The following DEK variants were observed in gnomAD, a reference collection of about 807,000 sequenced individuals.
DEK encodes the protein DEK proto-oncogene.
Under a neutral mutation model 46.8 loss-of-function variants are expected in DEK, and 28 were observed. That is an observed-to-expected ratio of 0.60 (90% CI 0.44 to 0.82). The LOEUF (loss-of-function observed/expected upper bound fraction) is 0.82, where lower values mean the gene tolerates loss of function less well. Ranked by LOEUF, DEK falls within the 40% of genes least tolerant of loss-of-function variation. The pLI is 0.00. For synonymous variants in DEK, 160 were observed against 144.5 expected (o/e 1.11, Z -0.77); for missense variants, 416 against 430.6 (o/e 0.97, Z 0.30).
chr6:18,249,770 T>C lies in DEK; in HGVS notation c.643A>G (p.Arg215Gly), dbSNP rs1051400994. ...GGACATTTGGTTCGCTTAGCCTTCCTTGCCATTCCAGAACTGTTCCGTTCC... is the reference window on the plus strand; with the variant it reads ...GGACATTTGGTTCGCTTAGCCTTCCCTGCCATTCCAGAACTGTTCCGTTCC... ...KKERNSSGMA[R>G]KAKRTKCPEI... Residue 215 changes from arginine (R) to glycine (G), a missense_variant, in exon 7 of 11, where the codon AGG becomes GGG. By Grantham distance (125) the Arg-to-Gly change is moderately radical. Transcript: ENST00000652689. 1.2e-6 allele frequency: 2 copies of C among 1,613,940 alleles called. No individual in the cohort carries two copies. The highest frequency in any genetic ancestry group is 1.7e-6 in the Non-Finnish European group (2 of 1,179,982).
At chr6:18,252,509 CAAAAAAAAAAAAAAAA>C (rs61626818) in intron 6 of DEK, among the ~76,000 whole-genome samples, 6 of 29,144 alleles carry the variant, frequency 2.1e-4, no homozygotes, top group South Asian at 2.0e-3. Context: ...ACGCTGTCTC[CAAAAAAAAAAAAAAAA>C]AAAAAAAAAA....
chr6:18,259,540 A>C (rs1350355165), intron 2 of DEK, among the ~76,000 whole-genome samples: 1 of 151,982 alleles, frequency 6.6e-6, no homozygotes, highest in Non-Finnish European at 1.5e-5. Flanking sequence ...AGAATACTAT[A>C]TACTGCTCGA....
At chr6:18,260,686 G>A (rs1413532047) in intron 2 of DEK, among the ~76,000 whole-genome samples, 2 of 152,108 alleles carry the variant, frequency 1.3e-5, no homozygotes, top group Non-Finnish European at 2.9e-5. Flanking sequence ...GCCTCCTGCA[G>A]GGGTGGAACT....
intron 7 of DEK, among the ~76,000 whole-genome samples, chr6:18,239,338 CT>C (rs58941276): frequency 0.01 from 801 of 78,304 alleles, 5 homozygotes; most frequent in African/African-American, 0.018. Flanking sequence ...ATTTTAGTGT[CT>C]TTTTTTTTTT....
intron 2 of DEK, 34 bp downstream of exon 2, chr6:18,263,809 A>C (rs925968908): frequency 3.1e-6 from 5 of 1,611,058 alleles, no homozygotes; most frequent in Non-Finnish European, 4.2e-6. Context: ...CTTCGGTCTG[A>C]AAAATTCATC....
At chr6:18,247,476 CTAGTCACAGACCCTAGA>C (rs1181292027) in intron 7 of DEK, among the ~76,000 whole-genome samples, 1 of 152,062 alleles carries the variant, frequency 6.6e-6, no homozygotes, top group Non-Finnish European at 1.5e-5. Flanking sequence ...ACCTGGGTTT[CTAGTCACAGACCCTAGA>C]TTAGGGCACT....
At chr6:18,260,885 C>G (rs895080069) in intron 2 of DEK, among the ~76,000 whole-genome samples, 1 of 150,952 alleles carries the variant, frequency 6.6e-6, no homozygotes, top group East Asian at 1.9e-4. Context: ...CCTGTGGTTC[C>G]TGAGGTGAGA....
intron 5 of DEK, 126 bp downstream of exon 5, chr6:18,256,235 C>A: frequency 1.3e-6 from 1 of 764,480 alleles, no homozygotes; most frequent in African/African-American, 1.8e-5. Flanking sequence ...GATACGCCCG[C>A]CTCAGCCTCC....
intron 9 of DEK, among the ~76,000 whole-genome samples, chr6:18,231,081 A>G (rs1358107494): frequency 6.6e-6 from 1 of 152,222 alleles, no homozygotes; most frequent in Admixed American, 6.5e-5. Flanking sequence ...AAACAGCTCA[A>G]CTACATGGAA....
At chr6:18,235,746 A>G (rs969492567) in intron 9 of DEK, among the ~76,000 whole-genome samples, 15 of 152,142 alleles carry the variant, frequency 9.9e-5, no homozygotes. Context: ...GCCTCAGCCT[A>G]TCAAAGTGTT....
rs575609291 is a variant in DEK, at chr6:18,224,535, C to G, written c.*1184G>C. On this transcript the variant is annotated 3_prime_UTR_variant, in exon 11 of 11. Transcript: ENST00000652689. Reference sequence around the variant, plus strand: ...TTCAGGAGTGGTCCATTATGTTGATCATCTAGAATCAACACTGATTAACCA... The same window carrying G: ...TTCAGGAGTGGTCCATTATGTTGATGATCTAGAATCAACACTGATTAACCA... The G allele has an allele frequency of 1.5e-5, 3 of 201,250 alleles. No individual in the cohort carries two copies. Among genetic ancestry groups the G allele is most frequent in the African/African-American group, 6.9e-5 (3 of 43,596 alleles). 12.5% of individuals were successfully genotyped at this position (201,250 alleles called of 1,614,324 possible).
chr6:18,264,049 G>T (rs753940791), intron 1 of DEK, 53 bp from the exon 2 acceptor site: 4 of 1,511,138 alleles, frequency 2.6e-6, no homozygotes, highest in South Asian at 2.5e-5. Flanking sequence ...CCGCAGGCAG[G>T]ACCGGGCGGC....
At chr6:18,243,727 C>G (rs1194594685) in intron 7 of DEK, among the ~76,000 whole-genome samples, 1 of 152,198 alleles carries the variant, frequency 6.6e-6, no homozygotes, top group Non-Finnish European at 1.5e-5. Context: ...TGGAAAATAT[C>G]TTCTGTAACC....
chr6:18,251,210 A>G (rs1281038491), intron 6 of DEK, among the ~76,000 whole-genome samples: 1 of 152,146 alleles, frequency 6.6e-6, no homozygotes, highest in African/African-American at 2.4e-5. Context: ...TTTTATTTCT[A>G]CCTTTGTTAC....
intron 9 of DEK, among the ~76,000 whole-genome samples, chr6:18,232,393 G>A (rs769788507): frequency 6.6e-6 from 1 of 152,102 alleles, no homozygotes; most frequent in Non-Finnish European, 1.5e-5. Flanking sequence ...AAAATAAAGG[G>A]TATTCAATTA....
Position 18,225,586 on chromosome 6 carries a change from A to AAT in DEK, c.*132_*133insAT. The stretch of plus-strand genomic sequence containing the variant: ...AAATTCACATAACACTCAAGATAAA[A>AAT]AGGTCAGCAGTAAGTTCTACTAACG... On this transcript the variant is annotated 3_prime_UTR_variant, in exon 11 of 11. Transcript: ENST00000652689. 1.1e-6 allele frequency: 1 copy of AAT among 918,122 alleles called. No homozygotes were observed. 56.9% of individuals were successfully genotyped at this position (918,122 alleles called of 1,614,324 possible). A position where few individuals can be genotyped will look rare whatever the true frequency, so the allele number is the denominator to read the frequency against.
At chr6:18,227,268 C>T (rs540358609) in intron 9 of DEK, among the ~76,000 whole-genome samples, 47 of 152,040 alleles carry the variant, frequency 3.1e-4, no homozygotes, top group South Asian at 1.0e-3. Context: ...TGGAATGTCT[C>T]GGTATAAAAC....
rs539995106 is a variant in DEK at position 18,263,847 on chromosome 6, T to TTCC, written c.138_140dup (p.Glu47dup). ...TTGGGATGCGACTCCCCCCACCTTTTTCCTCCTCCTCCTCCTCCTCGTCGT... is the reference window on the plus strand; with the variant it reads ...TTGGGATGCGACTCCCCCCACCTTTTTCCTCCTCCTCCTCCTCCTCCTCGTCGT... On this transcript the variant is annotated inframe_insertion, in exon 2 of 11. Coordinates refer to ENST00000652689, the MANE Select transcript of DEK (RefSeq NM_003472.4). 596 of 1,611,640 alleles carry TTCC rather than the reference T, an allele frequency of 3.7e-4. 1 individual carries two copies. Among genetic ancestry groups the TTCC allele is most frequent in the African/African-American group, 5.5e-4 (41 of 74,900 alleles).
chr6:18,246,625 A>G (rs992956700), intron 7 of DEK, among the ~76,000 whole-genome samples: 6 of 152,242 alleles, frequency 3.9e-5, no homozygotes, highest in South Asian at 2.1e-4. Context: ...TAAACACCTT[A>G]GTCTTCTACA....
Sources: gnomAD v4.1 joint callset for allele counts (sites outside exome capture counted in the v4.1 genomes callset) on GRCh38, gnomAD v4.1.1 for gene constraint, MANE v1.5 for transcripts, NCBI Gene and HGNC (gene_info 2026-07-23, HGNC 2026-07-21) for gene names.